C12orf42: variants seen among roughly 807,000 people sequenced by gnomAD.
C12orf42 encodes the protein uncharacterized protein C12orf42.
In C12orf42, 25 loss-of-function variants were observed where a neutral mutation model predicts 21.6. The ratio of observed to expected loss-of-function variants is 1.16; its 90% CI spans 0.84 to 1.62. The LOEUF (loss-of-function observed/expected upper bound fraction) is 1.62. Ranked by LOEUF, C12orf42 falls within the 40% of genes most tolerant of loss-of-function variation. The pLI, the probability that C12orf42 is intolerant of heterozygous loss-of-function variation, is 0.00. For synonymous variants in C12orf42, 174 were observed against 175.0 expected, an observed-to-expected ratio of 0.99 and a Z score of 0.05; for missense variants, 483 against 459.3, an observed-to-expected ratio of 1.05 and a Z score of -0.47.
In C12orf42 at chr12:103,314,616, G is replaced by A. The variant is rs34144328; in HGVS notation, c.260-8271C>T. Reference sequence around the variant, plus strand: ...AAGGTGAAAGTCTGAAAAAGATTCCGTCATGGATTTGACAGGAGGAAGATT... The same window carrying A: ...AAGGTGAAAGTCTGAAAAAGATTCCATCATGGATTTGACAGGAGGAAGATT... On this transcript the variant is annotated intron_variant, in intron 4 of 5. Transcript: ENST00000548883. 4.3e-3 allele frequency among the ~76,000 whole-genome samples: 649 copies of A among 152,230 alleles called. 10 individuals carry two copies. Among genetic ancestry groups the A allele is most frequent in the South Asian group, 0.038 (183 of 4,824 alleles).
intron 4 of C12orf42, among the ~76,000 whole-genome samples, chr12:103,365,322 C>G (rs576313897): frequency 6.6e-6 from 1 of 151,938 alleles, no homozygotes; most frequent in African/African-American, 2.4e-5. Flanking sequence ...AAGTGACATG[C>G]CTCAATGTAA....
the C12orf42 span, among the ~76,000 whole-genome samples, chr12:103,223,441 G>T: frequency 2.0e-5 from 3 of 152,188 alleles, no homozygotes; most frequent in African/African-American, 7.2e-5. Context: ...GGTATAAAAG[G>T]TCCAAGAATT....
the C12orf42 span, among the ~76,000 whole-genome samples, chr12:103,128,472 T>C: frequency 1.3e-5 from 2 of 152,170 alleles, no homozygotes; most frequent in Non-Finnish European, 2.9e-5. Context: ...TGCAACACAT[T>C]ATTTTATTTT....
intron 2 of C12orf42, among the ~76,000 whole-genome samples, chr12:103,412,833 T>C (rs2048965471): frequency 6.6e-6 from 1 of 152,222 alleles, no homozygotes; most frequent in African/African-American, 2.4e-5. Context: ...CTTGTTAATT[T>C]AAGTTCCATA....
chr12:103,440,714 T>TTGAAA (rs1951177900), intron 2 of C12orf42, among the ~76,000 whole-genome samples: 2 of 152,122 alleles, frequency 1.3e-5, no homozygotes, highest in Admixed American at 6.6e-5. Flanking sequence ...AAAACCCAGA[T>TTGAAA]TGGCCTAACT....
intron 2 of C12orf42, among the ~76,000 whole-genome samples, chr12:103,421,859 T>C (rs968040435): frequency 6.6e-6 from 1 of 152,186 alleles, no homozygotes; most frequent in Non-Finnish European, 1.5e-5. Flanking sequence ...AAGGAATGAC[T>C]AATTACAAAA....
chr12:103,506,447 T>C, the C12orf42 span, among the ~76,000 whole-genome samples: 5,611 of 152,094 alleles, frequency 0.037, 141 homozygotes, highest in Non-Finnish European at 0.057. Flanking sequence ...TATGCAATGA[T>C]GGTCCTGTAA....
intron 5 of C12orf42, among the ~76,000 whole-genome samples, chr12:103,304,296 C>T (rs1204741638): frequency 1.3e-5 from 2 of 151,896 alleles, no homozygotes. Context: ...GTATTCTAGA[C>T]CTTGGGGATA....
intron 1 of C12orf42, among the ~76,000 whole-genome samples, chr12:103,490,942 T>G (rs1258264845): frequency 6.6e-6 from 1 of 152,112 alleles, no homozygotes; most frequent in Non-Finnish European, 1.5e-5. Flanking sequence ...ATTGATGAAT[T>G]AAATGTGTGC....
chr12:103,204,172 C>G, the C12orf42 span, among the ~76,000 whole-genome samples: 1 of 152,120 alleles, frequency 6.6e-6, no homozygotes, highest in East Asian at 1.9e-4. Context: ...GGTCAAATAA[C>G]CTTGCTAATA....
the C12orf42 span, among the ~76,000 whole-genome samples, chr12:103,173,792 C>T: frequency 6.6e-6 from 1 of 152,136 alleles, no homozygotes; most frequent in Non-Finnish European, 1.5e-5. Flanking sequence ...TTGTCTCCCA[C>T]TCACTTCTCT....
At chr12:103,330,268 A>C (rs2041127607) in intron 4 of C12orf42, among the ~76,000 whole-genome samples, 1 of 152,252 alleles carries the variant, frequency 6.6e-6, no homozygotes, top group African/African-American at 2.4e-5. Context: ...ACCTGTGTAC[A>C]AAGGATGTGG....
At chr12:103,381,002 A>G (rs761968878) in intron 3 of C12orf42, among the ~76,000 whole-genome samples, 10 of 152,172 alleles carry the variant, frequency 6.6e-5, no homozygotes, top group Non-Finnish European at 1.5e-4. Flanking sequence ...TCTAACCTCT[A>G]GTACAAATAA....
intron 2 of C12orf42, among the ~76,000 whole-genome samples, chr12:103,473,663 TAATA>T (rs1953800215): frequency 6.6e-6 from 1 of 152,210 alleles, no homozygotes; most frequent in Non-Finnish European, 1.5e-5. Flanking sequence ...GAGATTAGTC[TAATA>T]AAGAGCCACA....
intron 2 of C12orf42, among the ~76,000 whole-genome samples, chr12:103,433,855 T>A (rs1950448839): frequency 6.6e-6 from 1 of 152,198 alleles, no homozygotes; most frequent in Non-Finnish European, 1.5e-5. Flanking sequence ...CTTGGCATAA[T>A]AATAGCATGG....
intron 2 of C12orf42, among the ~76,000 whole-genome samples, chr12:103,464,981 G>A (rs1953006600): frequency 6.6e-6 from 1 of 152,156 alleles, no homozygotes; most frequent in Admixed American, 6.5e-5. Context: ...TTGTAGTGTA[G>A]TTTGAAGTCA....
the C12orf42 span, among the ~76,000 whole-genome samples, chr12:103,118,957 A>C: frequency 6.6e-6 from 1 of 152,234 alleles, no homozygotes; most frequent in African/African-American, 2.4e-5. Context: ...CACATGCCCC[A>C]AGTTGCCCAA....
At chr12:103,393,972 T>G (rs749161473) in intron 3 of C12orf42, among the ~76,000 whole-genome samples, 1 of 152,230 alleles carries the variant, frequency 6.6e-6, no homozygotes, top group Non-Finnish European at 1.5e-5. Flanking sequence ...CCTCATATCA[T>G]TTCCATAGGA....
At chr12:103,048,580 T>TTATC in the C12orf42 span, among the ~76,000 whole-genome samples, 2 of 152,150 alleles carry the variant, frequency 1.3e-5, no homozygotes, top group Non-Finnish European at 2.9e-5. Context: ...AACTTCAGTC[T>TTATC]TATCATCTGT....
Sources: allele counts gnomAD v4.1 joint callset (sites outside exome capture counted in the v4.1 genomes callset), GRCh38; gene constraint gnomAD v4.1.1; transcripts MANE v1.5; gene names NCBI Gene and HGNC (gene_info 2026-07-23, HGNC 2026-07-21).